Variants in KAT6B observed in about 807,000 individuals in gnomAD.
KAT6B encodes histone acetyltransferase KAT6B.
A neutral mutation model predicts 187.5 loss-of-function variants in KAT6B; 10 were observed. The observed-to-expected ratio is 0.05, with a 90% CI of 0.03 to 0.09. KAT6B has a LOEUF of 0.09. Among genes scored for constraint, KAT6B ranks in the 10% least tolerant of loss-of-function variants. The probability of loss-of-function intolerance (pLI) is 1.00; values close to 1 mark genes in which losing one functional copy is unlikely to be tolerated. For missense variants in KAT6B, 1,952 were observed against 2,558.9 expected, an observed-to-expected ratio of 0.76 and a Z score of 5.12; for synonymous variants, 861 against 926.8, an observed-to-expected ratio of 0.93 and a Z score of 1.29.
At chr10:74,903,886 A>T (rs189728447) in intron 3 of KAT6B, among the ~76,000 whole-genome samples, 7 of 152,370 alleles carry the variant, frequency 4.6e-5, no homozygotes, top group Admixed American at 1.3e-4. Flanking sequence ...CTAGCTGAAG[A>T]AACTGGTGTA....
At chr10:74,991,243 G>C (rs947340902) in intron 13 of KAT6B, among the ~76,000 whole-genome samples, 9 of 152,032 alleles carry the variant, frequency 5.9e-5, no homozygotes, top group African/African-American at 2.2e-4. Flanking sequence ...ATATGTATTA[G>C]ATGATATAAA....
At chr10:74,863,985 A>G (rs563955513) in intron 3 of KAT6B, among the ~76,000 whole-genome samples, 1 of 152,280 alleles carries the variant, frequency 6.6e-6, no homozygotes, top group African/African-American at 2.4e-5. Context: ...AATATACACT[A>G]CTTTTATGTA....
intron 3 of KAT6B, among the ~76,000 whole-genome samples, chr10:74,905,076 TTC>T (rs1423903788): frequency 6.6e-6 from 1 of 152,234 alleles, no homozygotes; most frequent in Non-Finnish European, 1.5e-5. Context: ...ATATCCTGCC[TTC>T]TCTCAATATG....
At chr10:75,027,091 A>T (rs1028703673) in intron 17 of KAT6B, among the ~76,000 whole-genome samples, 5 of 152,180 alleles carry the variant, frequency 3.3e-5, no homozygotes, top group African/African-American at 9.7e-5. Context: ...GTGAGCCGAG[A>T]TCATGCCACT....
chr10:74,874,816 GTGTGTGTGTGTGTGTA>G (rs1844287500), intron 3 of KAT6B, among the ~76,000 whole-genome samples: 1 of 149,938 alleles, frequency 6.7e-6, no homozygotes, highest in African/African-American at 2.5e-5. Context: ...TGTGTGTGGG[GTGTGTGTGTGTGTGTA>G]TGTGTGTGTG....
intron 4 of KAT6B, among the ~76,000 whole-genome samples, chr10:74,969,339 G>A (rs992341367): frequency 3.9e-5 from 6 of 152,162 alleles, no homozygotes; most frequent in Non-Finnish European, 7.3e-5. Context: ...TGATGAAGAC[G>A]GCAAGTACAG....
At chr10:74,919,874 AT>A (rs1847985982) in intron 3 of KAT6B, among the ~76,000 whole-genome samples, 1 of 152,172 alleles carries the variant, frequency 6.6e-6, no homozygotes, top group Admixed American at 6.5e-5. Flanking sequence ...TAGTTATAGA[AT>A]TTTTATTTAG....
intron 13 of KAT6B, among the ~76,000 whole-genome samples, chr10:74,990,077 C>G (rs957103536): frequency 6.6e-6 from 1 of 151,706 alleles, no homozygotes; most frequent in Non-Finnish European, 1.5e-5. Flanking sequence ...CACCTGTACT[C>G]CCAGCTACTA....
At chr10:74,876,216 C>A (rs1389568877) in intron 3 of KAT6B, among the ~76,000 whole-genome samples, 2 of 152,164 alleles carry the variant, frequency 1.3e-5, no homozygotes, top group Admixed American at 6.5e-5. Context: ...CTTCTTCCCC[C>A]ACTCCCCACC....
intron 4 of KAT6B, among the ~76,000 whole-genome samples, chr10:74,961,619 G>A (rs986840562): frequency 6.6e-6 from 1 of 152,112 alleles, no homozygotes; most frequent in Non-Finnish European, 1.5e-5. Flanking sequence ...AGGGTATAAA[G>A]GTGTAATTCT....
intron 13 of KAT6B, among the ~76,000 whole-genome samples, chr10:74,993,548 A>C (rs1056237433): frequency 6.6e-6 from 1 of 152,230 alleles, no homozygotes; most frequent in African/African-American, 2.4e-5. Context: ...CAAGATATTA[A>C]AGTAATTTAT....
At chr10:74,907,384 GT>G (rs1445941662) in intron 3 of KAT6B, among the ~76,000 whole-genome samples, 1 of 152,204 alleles carries the variant, frequency 6.6e-6, no homozygotes, top group Non-Finnish European at 1.5e-5. Context: ...TGGCTGTCCT[GT>G]TTGTCAGCAG....
intron 6 of KAT6B, 107 bp from the exon 7 acceptor site, chr10:74,972,400 C>G: frequency 1.2e-6 from 1 of 800,450 alleles, no homozygotes; most frequent in South Asian, 1.8e-5. Context: ...GAGTAAAGTT[C>G]AGCATACAGG....
chr10:74,876,420 T>G (rs1331534197), intron 3 of KAT6B, among the ~76,000 whole-genome samples: 3 of 152,226 alleles, frequency 2.0e-5, no homozygotes, highest in African/African-American at 7.2e-5. Context: ...TTTGTAGTAC[T>G]ATTTCTAAGG....
At chr10:74,957,744 A>G (rs1477881450) in intron 3 of KAT6B, among the ~76,000 whole-genome samples, 1 of 152,220 alleles carries the variant, frequency 6.6e-6, no homozygotes, top group African/African-American at 2.4e-5. Context: ...TATCAGGGGA[A>G]TGTTGTCACT....
chr10:74,862,327 C>T (rs1843239761), intron 3 of KAT6B, among the ~76,000 whole-genome samples: 1 of 152,080 alleles, frequency 6.6e-6, no homozygotes, highest in Admixed American at 6.5e-5. Context: ...AAATTATATG[C>T]AAAAAGAGTA....
upstream of KAT6B, chr10:74,825,786 C>G (rs1195567876): frequency 1.3e-5 from 2 of 152,560 alleles, no homozygotes; most frequent in African/African-American, 4.8e-5. This position sits in a 1 kb window ranked among gnomAD's most constrained non-coding sequence, Gnocchi z 5.0. Context: ...GGCTTGCTCC[C>G]CCGAGGCATG....
chr10:74,979,761 TTTTAA>T (rs1842391567), intron 10 of KAT6B, among the ~76,000 whole-genome samples: 4 of 152,224 alleles, frequency 2.6e-5, no homozygotes, highest in Non-Finnish European at 5.9e-5. Context: ...ATTTTCAAGT[TTTTAA>T]TAGAAATTTA....
At chr10:74,907,611 C>A (rs987518353) in intron 3 of KAT6B, among the ~76,000 whole-genome samples, 2 of 152,118 alleles carry the variant, frequency 1.3e-5, no homozygotes. Context: ...ACTGCAACCT[C>A]CTCTGCCTCC....
Sources: allele counts gnomAD v4.1 joint callset (sites outside exome capture counted in the v4.1 genomes callset), GRCh38; gene constraint gnomAD v4.1.1; non-coding constraint Gnocchi (gnomAD v3.1); transcripts MANE v1.5; gene names NCBI Gene and HGNC (gene_info 2026-07-23, HGNC 2026-07-21).